Variants in RTN4RL1 observed in about 807,000 individuals in gnomAD.
RTN4RL1 encodes the protein reticulon 4 receptor like 1.
RTN4RL1 carries 7 observed loss-of-function variants against 25.6 expected under a neutral mutation model. The observed-to-expected ratio is 0.27, with a 90% CI of 0.16 to 0.51. The LOEUF is 0.51. Ranked by LOEUF, RTN4RL1 falls within the 20% of genes least tolerant of loss-of-function variation. The pLI is 0.97. For missense variants in RTN4RL1, 500 were observed against 615.6 expected (o/e 0.81, Z 1.99); for synonymous variants, 297 against 288.2 (o/e 1.03, Z -0.31).
rs142015173 is a variant in RTN4RL1 at position 1,969,549 on chromosome 17, G to A, written c.14-31741C>T. 3.2e-3 allele frequency among the ~76,000 whole-genome samples: 483 copies of A among 152,208 alleles called. 3 individuals are homozygous for A. The highest frequency in any genetic ancestry group is 6.8e-3 in the Middle Eastern group (2 of 294). On this transcript the variant is annotated intron_variant, in intron 1 of 1. Coordinates refer to ENST00000331238, the MANE Select transcript of RTN4RL1 (RefSeq NM_178568.4). ...ATGAGCTGCTTCCCCTTAGCCAGCCGCCAGCTTCCCTAAGCGAACAGCCTC... is the reference window on the plus strand; with the variant it reads ...ATGAGCTGCTTCCCCTTAGCCAGCCACCAGCTTCCCTAAGCGAACAGCCTC...
chr17:1,944,966 G>A (rs762284353), intron 1 of RTN4RL1, among the ~76,000 whole-genome samples: 2 of 152,178 alleles, frequency 1.3e-5, no homozygotes, highest in African/African-American at 2.4e-5. Context: ...CTCCAAGTCT[G>A]TTCTGTGGCC....
At chr17:1,974,923 G>A (rs779990870) in intron 1 of RTN4RL1, among the ~76,000 whole-genome samples, 16 of 152,172 alleles carry the variant, frequency 1.1e-4, no homozygotes, top group Non-Finnish European at 1.9e-4. Flanking sequence ...TTACTAGCTG[G>A]GAAGGAACAA....
intron 1 of RTN4RL1, among the ~76,000 whole-genome samples, chr17:1,968,241 C>G (rs1251416061): frequency 6.6e-6 from 1 of 152,184 alleles, no homozygotes; most frequent in Non-Finnish European, 1.5e-5. Context: ...CAGCATTCCC[C>G]AAATGAAAAG....
At chr17:2,022,913 C>T (rs1475630453) in intron 1 of RTN4RL1, among the ~76,000 whole-genome samples, 2 of 152,164 alleles carry the variant, frequency 1.3e-5, no homozygotes, top group African/African-American at 4.8e-5. Flanking sequence ...AGGAGCCTCC[C>T]CCCGGGGAGC....
intron 1 of RTN4RL1, among the ~76,000 whole-genome samples, chr17:1,938,113 C>T (rs1292309565): frequency 6.6e-6 from 1 of 152,150 alleles, no homozygotes; most frequent in East Asian, 1.9e-4. Flanking sequence ...CCTGCTCCAG[C>T]TCTGTCACAC....
chr17:2,008,543 T>A (rs1396024148), intron 1 of RTN4RL1, among the ~76,000 whole-genome samples: 1 of 152,052 alleles, frequency 6.6e-6, no homozygotes, highest in Admixed American at 6.6e-5. Flanking sequence ...TTTTTGCCAA[T>A]CTGTAGGTTT....
At chr17:1,968,224 G>T (rs1003569576) in intron 1 of RTN4RL1, among the ~76,000 whole-genome samples, 2 of 152,254 alleles carry the variant, frequency 1.3e-5, no homozygotes, top group African/African-American at 4.8e-5. Flanking sequence ...CCTGGAGGCT[G>T]CCCCCTCAGC....
At chr17:1,977,723 C>G (rs2066848790) in intron 1 of RTN4RL1, among the ~76,000 whole-genome samples, 2 of 152,148 alleles carry the variant, frequency 1.3e-5, no homozygotes, top group African/African-American at 2.4e-5. Flanking sequence ...GAGCAGCCAG[C>G]AGATTAAAAA....
chr17:1,971,568 A>AG (rs2066818859), intron 1 of RTN4RL1, among the ~76,000 whole-genome samples: 1 of 152,038 alleles, frequency 6.6e-6, no homozygotes, highest in African/African-American at 2.4e-5. Context: ...GGTGGCTCAC[A>AG]CCTGTAATCC....
At chr17:1,941,633 G>T (rs1915440533) in intron 1 of RTN4RL1, among the ~76,000 whole-genome samples, 1 of 152,102 alleles carries the variant, frequency 6.6e-6, no homozygotes, top group Non-Finnish European at 1.5e-5. Flanking sequence ...CCGGGGGAGT[G>T]CTCACCGACC....
chr17:1,979,877 C>T (rs185305578), intron 1 of RTN4RL1, among the ~76,000 whole-genome samples: 170 of 152,258 alleles, frequency 1.1e-3, no homozygotes, highest in Non-Finnish European at 1.9e-3. Flanking sequence ...TGCTCAGACC[C>T]GGAATTGCGT....
At chr17:1,945,601 T>G (rs893204237) in intron 1 of RTN4RL1, among the ~76,000 whole-genome samples, 6 of 152,224 alleles carry the variant, frequency 3.9e-5, no homozygotes, top group African/African-American at 1.4e-4. Flanking sequence ...TCCTCCCACC[T>G]GGGCCTCCCA....
chr17:1,967,476 C>T (rs1488225621), intron 1 of RTN4RL1, among the ~76,000 whole-genome samples: 1 of 152,110 alleles, frequency 6.6e-6, no homozygotes, highest in Non-Finnish European at 1.5e-5. Context: ...CCAAATCTCC[C>T]TGCAGCCACT....
At chr17:1,950,830 A>G (rs540892708) in intron 1 of RTN4RL1, among the ~76,000 whole-genome samples, 1 of 120,244 alleles carries the variant, frequency 8.3e-6, no homozygotes, top group South Asian at 3.2e-4. Flanking sequence ...TGGGCGACAG[A>G]GTGAGACACA....
rs1268909927 is a variant in RTN4RL1 at position 1,999,460 on chromosome 17, AC to A, written c.13+25392del. On this transcript the variant is annotated intron_variant, in intron 1 of 1. Coordinates refer to ENST00000331238, the MANE Select transcript of RTN4RL1 (RefSeq NM_178568.4). The stretch of plus-strand genomic sequence containing the variant: ...GACTCCGTCTCGAAAAAAATAAAAC[AC>A]ACACACACACACACACATGAACTGC... Among the ~76,000 whole-genome samples, 4 of 21,634 alleles carry A rather than the reference AC, an allele frequency of 1.8e-4. No individual in the cohort carries two copies. The East Asian group carries it at 3.1e-3, about 17-fold the overall frequency. The allele number at this position is 21,634 out of a possible 152,430, so 14.2% of individuals were successfully genotyped here. A position where few individuals can be genotyped will look rare whatever the true frequency, so the allele number is the denominator to read the frequency against.
chr17:1,970,592 C>T (rs2066814481), intron 1 of RTN4RL1, among the ~76,000 whole-genome samples: 1 of 152,192 alleles, frequency 6.6e-6, no homozygotes, highest in Non-Finnish European at 1.5e-5. Context: ...GGCCACGACC[C>T]AGCTTCCTTC....
chr17:2,000,962 T>C (rs1208162411), intron 1 of RTN4RL1, among the ~76,000 whole-genome samples: 1 of 152,160 alleles, frequency 6.6e-6, no homozygotes, highest in Non-Finnish European at 1.5e-5. Flanking sequence ...CTTTGTGAGC[T>C]GTGGAGGGTC....
At chr17:1,977,751 C>T (rs941109352) in intron 1 of RTN4RL1, among the ~76,000 whole-genome samples, 2 of 152,140 alleles carry the variant, frequency 1.3e-5, no homozygotes, top group Admixed American at 1.3e-4. Flanking sequence ...CCGGCCCTCA[C>T]CGAGGTGTTA....
chr17:2,021,860 T>C (rs1008385421), intron 1 of RTN4RL1, among the ~76,000 whole-genome samples: 1 of 147,338 alleles, frequency 6.8e-6, no homozygotes, highest in African/African-American at 2.5e-5. Flanking sequence ...CGGTCTTTTT[T>C]TTTTTTTTTT....
Sources: allele counts gnomAD v4.1 joint callset (sites outside exome capture counted in the v4.1 genomes callset), GRCh38; gene constraint gnomAD v4.1.1; transcripts MANE v1.5; gene names NCBI Gene and HGNC (gene_info 2026-07-23, HGNC 2026-07-21).